The following KLF12 variants were observed in gnomAD, a reference collection of about 807,000 sequenced individuals.
KLF12 encodes KLF transcription factor 12.
A neutral mutation model predicts 37.8 loss-of-function variants in KLF12; 9 were observed. That is an observed-to-expected ratio of 0.24 (90% CI 0.14 to 0.42). KLF12 has a LOEUF of 0.42. Ranked by LOEUF, KLF12 falls within the 10% of genes least tolerant of loss-of-function variation. The probability of loss-of-function intolerance (pLI) is 1.00; values close to 1 mark genes in which losing one functional copy is unlikely to be tolerated. For synonymous variants in KLF12, 208 were observed against 202.1 expected (o/e 1.03, Z -0.25); for missense variants, 411 against 516.0 (o/e 0.80, Z 1.97).
intron 2 of KLF12, among the ~76,000 whole-genome samples, chr13:73,955,037 A>G (rs1254045513): frequency 6.6e-6 from 1 of 152,166 alleles, no homozygotes; most frequent in African/African-American, 2.4e-5. Flanking sequence ...CAGGTGTATG[A>G]GACTTTCTTC....
the KLF12 span, among the ~76,000 whole-genome samples, chr13:74,260,574 TAAATAAAATAAAATAAAATA>T: frequency 6.8e-3 from 681 of 100,324 alleles, 9 homozygotes; most frequent in African/African-American, 0.037. Flanking sequence ...TAAAATAAAA[TAAATAAAATAAAATAAAATA>T]AAATAAAATA....
intron 4 of KLF12, among the ~76,000 whole-genome samples, chr13:73,813,728 CATA>C (rs1474263869): frequency 1.3e-5 from 2 of 152,110 alleles, no homozygotes; most frequent in Admixed American, 6.6e-5. Context: ...TTATAGCTCT[CATA>C]ATAAGTTAAA....
chr13:73,977,051 C>G (rs1442543339), intron 2 of KLF12, among the ~76,000 whole-genome samples: 4 of 139,704 alleles, frequency 2.9e-5, no homozygotes, highest in Admixed American at 7.2e-5. Context: ...AGACAACATA[C>G]TTTTTTTTTT....
intron 3 of KLF12, among the ~76,000 whole-genome samples, chr13:73,906,781 T>TGTGG (rs1888321867): frequency 6.6e-6 from 1 of 152,178 alleles, no homozygotes; most frequent in African/African-American, 2.4e-5. Context: ...AAACATACAA[T>TGTGG]ATGGATTCTA....
intron 1 of KLF12, among the ~76,000 whole-genome samples, chr13:74,129,752 T>C (rs1306424220): frequency 6.6e-6 from 1 of 151,160 alleles, no homozygotes; most frequent in African/African-American, 2.4e-5. Context: ...GAATATCCTG[T>C]AATCTACTGC....
chr13:73,798,111 A>G (rs1882093497), intron 5 of KLF12, among the ~76,000 whole-genome samples: 1 of 152,188 alleles, frequency 6.6e-6, no homozygotes, highest in South Asian at 2.1e-4. Context: ...TAAAACAACC[A>G]ATGCTACATC....
chr13:73,981,021 G>A (rs1467208977), intron 2 of KLF12, among the ~76,000 whole-genome samples: 6 of 152,070 alleles, frequency 3.9e-5, no homozygotes, highest in East Asian at 1.9e-4. Context: ...TTAGCCGGGC[G>A]TGGTGATGCC....
chr13:74,033,284 T>C (rs1398719055), intron 1 of KLF12, among the ~76,000 whole-genome samples: 1 of 152,232 alleles, frequency 6.6e-6, no homozygotes, highest in African/African-American at 2.4e-5. Context: ...TGTTACTCTA[T>C]TTGGTGTATG....
the KLF12 span, among the ~76,000 whole-genome samples, chr13:74,243,910 T>C: frequency 6.6e-6 from 1 of 152,218 alleles, no homozygotes; most frequent in Non-Finnish European, 1.5e-5. Flanking sequence ...TTTGAAATTG[T>C]GGACTCAATA....
intron 1 of KLF12, among the ~76,000 whole-genome samples, chr13:74,068,565 T>A (rs1216451196): frequency 6.6e-6 from 1 of 151,208 alleles, no homozygotes; most frequent in Non-Finnish European, 1.5e-5. Flanking sequence ...TTTCTTTTTT[T>A]TTTTTTTTTG....
intron 6 of KLF12, among the ~76,000 whole-genome samples, chr13:73,736,354 T>C (rs778014954): frequency 1.7e-4 from 26 of 152,196 alleles, no homozygotes; most frequent in Non-Finnish European, 2.6e-4. Flanking sequence ...TTATAAACTA[T>C]TCATCTCAAT....
At chr13:73,795,270 A>G (rs996563889) in intron 5 of KLF12, among the ~76,000 whole-genome samples, 2 of 152,206 alleles carry the variant, frequency 1.3e-5, no homozygotes, top group African/African-American at 4.8e-5. Context: ...GAGAGCAGAA[A>G]TTACTGTAAT....
chr13:73,903,426 T>C (rs1888125610), intron 3 of KLF12, among the ~76,000 whole-genome samples: 1 of 152,236 alleles, frequency 6.6e-6, no homozygotes, highest in Non-Finnish European at 1.5e-5. Context: ...TATTTGGAAA[T>C]ATATTAAAAA....
chr13:74,268,581 T>TA, the KLF12 span, among the ~76,000 whole-genome samples: 1 of 152,206 alleles, frequency 6.6e-6, no homozygotes, highest in African/African-American at 2.4e-5. Context: ...GAGGATCTCT[T>TA]ACAGTTTCAT....
At chr13:73,747,648 T>C (rs1488103190) in intron 6 of KLF12, among the ~76,000 whole-genome samples, 2 of 152,214 alleles carry the variant, frequency 1.3e-5, no homozygotes, top group Non-Finnish European at 2.9e-5. Flanking sequence ...GTAAATACTG[T>C]CCTTTGAGCT....
At chr13:73,717,120 A>G (rs550950171) in intron 6 of KLF12, among the ~76,000 whole-genome samples, 70 of 152,324 alleles carry the variant, frequency 4.6e-4, no homozygotes, top group African/African-American at 1.6e-3. Context: ...GAAAGCAGCT[A>G]TAGATTATAT....
intron 1 of KLF12, among the ~76,000 whole-genome samples, chr13:74,111,072 G>GA (rs1346487928): frequency 6.6e-6 from 1 of 151,138 alleles, no homozygotes; most frequent in African/African-American, 2.4e-5. Flanking sequence ...AGAACTGCTT[G>GA]AACCCAGGAG....
intron 7 of KLF12, among the ~76,000 whole-genome samples, chr13:73,714,560 G>A (rs1394051359): frequency 6.6e-6 from 1 of 152,128 alleles, no homozygotes; most frequent in Admixed American, 6.5e-5. Flanking sequence ...TGGGCTTCAC[G>A]CAGTCCAGTC....
At chr13:73,855,704 A>C (rs186708788) in intron 3 of KLF12, among the ~76,000 whole-genome samples, 2 of 152,198 alleles carry the variant, frequency 1.3e-5, no homozygotes, top group East Asian at 3.9e-4. Context: ...TTACATTCCC[A>C]ACCAAGGGCG....
Sources: gnomAD v4.1 joint callset for allele counts (sites outside exome capture counted in the v4.1 genomes callset) on GRCh38, gnomAD v4.1.1 for gene constraint, MANE v1.5 for transcripts, NCBI Gene and HGNC (gene_info 2026-07-23, HGNC 2026-07-21) for gene names.